Variants in MKLN1 observed in about 807,000 individuals in gnomAD.
MKLN1 encodes the protein muskelin 1, also known as muskelin.
A neutral mutation model predicts 99.0 loss-of-function variants in MKLN1; 18 were observed. The observed-to-expected ratio is 0.18, with a 90% CI of 0.13 to 0.27. The LOEUF (loss-of-function observed/expected upper bound fraction) is 0.27. Among genes scored for constraint, MKLN1 ranks in the 10% least tolerant of loss-of-function variants. The probability of loss-of-function intolerance (pLI) is 1.00; values close to 1 mark genes in which losing one functional copy is unlikely to be tolerated. For synonymous variants in MKLN1, 288 were observed against 293.2 expected (o/e 0.98, Z 0.18); for missense variants, 621 against 875.9 (o/e 0.71, Z 3.67).
intron 6 of MKLN1, among the ~76,000 whole-genome samples, chr7:131,400,640 CAGTA>C (rs1794512475): frequency 6.6e-6 from 1 of 150,484 alleles, no homozygotes; most frequent in Non-Finnish European, 1.5e-5. Context: ...AGATATTTAT[CAGTA>C]AGGCATTTGA....
At chr7:131,437,719 ATTTG>A (rs896719500) in intron 9 of MKLN1, 62 bp from the exon 10 acceptor site, 13 of 1,234,116 alleles carry the variant, frequency 1.1e-5, no homozygotes, top group Non-Finnish European at 1.4e-5. Flanking sequence ...TTTTTCTATT[ATTTG>A]TTCTTTGATT....
At chr7:131,212,879 C>T (rs1353467701) in intron 3 of MKLN1, among the ~76,000 whole-genome samples, 1 of 151,058 alleles carries the variant, frequency 6.6e-6, no homozygotes, top group Non-Finnish European at 1.5e-5. Context: ...GCCGAGATCG[C>T]ACCATTGTAC....
intron 3 of MKLN1, among the ~76,000 whole-genome samples, chr7:131,270,286 A>G (rs1463189429): frequency 6.7e-6 from 1 of 149,244 alleles, no homozygotes; most frequent in Non-Finnish European, 1.5e-5. Flanking sequence ...GCAGTGGCAC[A>G]ATCTTGGCTC....
intron 3 of MKLN1, among the ~76,000 whole-genome samples, chr7:131,254,028 C>T (rs749310129): frequency 1.3e-5 from 2 of 152,148 alleles, no homozygotes; most frequent in Non-Finnish European, 2.9e-5. Context: ...CACCCTAGGG[C>T]ATTGTTGAAA....
At chr7:131,270,228 ATTT>A (rs537895351) in intron 3 of MKLN1, among the ~76,000 whole-genome samples, 2 of 146,896 alleles carry the variant, frequency 1.4e-5, no homozygotes, top group Non-Finnish European at 3.0e-5. Flanking sequence ...GCCTATTTTT[ATTT>A]TTATTTTTTG....
At chr7:131,323,450 C>G (rs1276145215), upstream of MKLN1, 1 of 152,168 alleles carries the variant, frequency 6.6e-6, no homozygotes, top group African/African-American at 2.4e-5. Flanking sequence ...ATTTACATGT[C>G]TGGTTCTAAA....
intron 5 of MKLN1, among the ~76,000 whole-genome samples, chr7:131,398,785 G>A (rs1191270546): frequency 6.6e-6 from 1 of 152,038 alleles, no homozygotes; most frequent in African/African-American, 2.4e-5. Flanking sequence ...CTGTATACTT[G>A]ATACTTGTCA....
intron 1 of MKLN1, among the ~76,000 whole-genome samples, chr7:131,123,717 G>A (rs1795411133): frequency 6.6e-6 from 1 of 151,836 alleles, no homozygotes; most frequent in South Asian, 2.1e-4. Flanking sequence ...GAACCCAGAA[G>A]GCAGAGGTTG....
chr7:131,126,646 C>T lies in MKLN1; in HGVS notation c.-418-16174C>T, dbSNP rs1033226950. On this transcript the variant is annotated intron_variant, in intron 1 of 7. Transcript: ENST00000416992. ...TTGGCTCACTGCAACCTCTGCCTCC[C>T]GGGTTCAAGCAATTCTCCTGCCTCA... Among the ~76,000 whole-genome samples, 27 of 152,194 alleles carry T rather than the reference C, an allele frequency of 1.8e-4. 2 individuals are homozygous for T. The highest frequency in any genetic ancestry group is 1.2e-3 in the South Asian group (6 of 4,824).
At chr7:131,217,496 G>A (rs574683910) in intron 3 of MKLN1, among the ~76,000 whole-genome samples, 202 of 152,268 alleles carry the variant, frequency 1.3e-3, no homozygotes, top group Non-Finnish European at 2.1e-3. Flanking sequence ...TCAGGAGTTC[G>A]AGACCAGCCT....
intron 14 of MKLN1, among the ~76,000 whole-genome samples, chr7:131,464,763 T>C (rs1388082436): frequency 3.3e-5 from 5 of 152,198 alleles, no homozygotes; most frequent in Non-Finnish European, 7.4e-5. Context: ...TGATATAACA[T>C]GGTTTTTGGT....
At chr7:131,457,136 G>T (rs1388712717) in intron 12 of MKLN1, among the ~76,000 whole-genome samples, 1 of 151,984 alleles carries the variant, frequency 6.6e-6, no homozygotes, top group South Asian at 2.1e-4. Context: ...AATTAGCCAG[G>T]CATGGTGGCA....
chr7:131,125,613 G>A (rs182841172), intron 1 of MKLN1, among the ~76,000 whole-genome samples: 1 of 152,194 alleles, frequency 6.6e-6, no homozygotes, highest in Admixed American at 6.5e-5. Flanking sequence ...GCTCACACCT[G>A]TAATCCCAAC....
intron 1 of MKLN1, among the ~76,000 whole-genome samples, chr7:131,363,839 T>C (rs1255387217): frequency 6.6e-6 from 1 of 152,008 alleles, no homozygotes; most frequent in Non-Finnish European, 1.5e-5. Flanking sequence ...AATTACCATG[T>C]TTACAATTCT....
At chr7:131,419,915 T>C (rs1042727986) in intron 8 of MKLN1, among the ~76,000 whole-genome samples, 1 of 152,210 alleles carries the variant, frequency 6.6e-6, no homozygotes, top group South Asian at 2.1e-4. Flanking sequence ...AGAAATGCTA[T>C]GAACTGACCT....
intron 2 of MKLN1, among the ~76,000 whole-genome samples, chr7:131,160,599 A>G (rs1040125110): frequency 3.4e-5 from 5 of 146,168 alleles, no homozygotes; most frequent in Admixed American, 1.4e-4. Context: ...GCTTACTGCA[A>G]CCTCTGCCTC....
chr7:131,345,428 G>A (rs1563303173), intron 1 of MKLN1, among the ~76,000 whole-genome samples: 4 of 152,210 alleles, frequency 2.6e-5, no homozygotes, highest in Non-Finnish European at 4.4e-5. Flanking sequence ...TGGGTTTTCA[G>A]ATTCTCAAAC....
At chr7:131,357,714 AT>A (rs1799923697) in intron 1 of MKLN1, among the ~76,000 whole-genome samples, 1 of 151,758 alleles carries the variant, frequency 6.6e-6, no homozygotes, top group East Asian at 1.9e-4. Flanking sequence ...AACTTCCATC[AT>A]TTTTGTTTTG....
intron 3 of MKLN1, among the ~76,000 whole-genome samples, chr7:131,246,271 C>A (rs1287438703): frequency 1.3e-5 from 2 of 152,192 alleles, no homozygotes; most frequent in African/African-American, 4.8e-5. Flanking sequence ...TTGTGAGGCC[C>A]AGGGAATGCC....
Sources: allele counts gnomAD v4.1 joint callset (sites outside exome capture counted in the v4.1 genomes callset), GRCh38; gene constraint gnomAD v4.1.1; transcripts MANE v1.5; gene names NCBI Gene and HGNC (gene_info 2026-07-23, HGNC 2026-07-21).